The following TRPC3 variants were observed in gnomAD, a reference collection of about 807,000 sequenced individuals.
TRPC3 encodes short transient receptor potential channel 3.
A neutral mutation model predicts 90.9 loss-of-function variants in TRPC3; 54 were observed. The ratio of observed to expected loss-of-function variants is 0.59; its 90% confidence interval spans 0.48 to 0.75. The LOEUF (loss-of-function observed/expected upper bound fraction) is 0.75. Ranked by LOEUF, TRPC3 falls within the 30% of genes least tolerant of loss-of-function variation. The pLI is 0.00. For missense variants in TRPC3, 918 were observed against 1,194.5 expected (o/e 0.77, Z 3.41); for synonymous variants, 424 against 450.9 (o/e 0.94, Z 0.75).
intron 1 of TRPC3, among the ~76,000 whole-genome samples, chr4:121,938,924 A>G (rs1024231465): frequency 1.3e-5 from 2 of 151,726 alleles, no homozygotes; most frequent in Non-Finnish European, 2.9e-5. Flanking sequence ...CGTCTGTATG[A>G]CTTTCAGGGA....
rs142442820 is a variant in TRPC3, at chr4:121,877,614, ACAT to A, written c.*2119_*2121del. ...AGGGCATCTGGGCAGGGCATCAAAAACATCAACCACACTCACTACACCTTGTCA... is the reference window on the plus strand; with the variant it reads ...AGGGCATCTGGGCAGGGCATCAAAAACAACCACACTCACTACACCTTGTCA... On this transcript the variant is annotated 3_prime_UTR_variant, in exon 12 of 12. Coordinates refer to ENST00000379645, the MANE Select transcript of TRPC3 (RefSeq NM_001130698.2). 3.4e-3 allele frequency among the ~76,000 whole-genome samples: 510 copies of A among 152,220 alleles called. 2 individuals carry two copies. Among genetic ancestry groups the A allele is most frequent in the African/African-American group, 0.012 (494 of 41,522 alleles).
Position 121,879,717 on chromosome 4 carries a change from C to A in TRPC3, c.*19G>T, listed in dbSNP as rs747377282. 6.3e-7 allele frequency: 1 copy of A among 1,598,554 alleles called. No individual in the cohort carries two copies. The highest frequency in any genetic ancestry group is 8.5e-7 in the Non-Finnish European group (1 of 1,174,764). ...GCCCACATTTGTGCTATAGTCAAAGCCAAATCCAGGTTGCTGCATCATTCA... is the reference window on the plus strand; with the variant it reads ...GCCCACATTTGTGCTATAGTCAAAGACAAATCCAGGTTGCTGCATCATTCA... On this transcript the variant is annotated 3_prime_UTR_variant, in exon 12 of 12. Coordinates refer to ENST00000379645, the MANE Select transcript of TRPC3 (RefSeq NM_001130698.2).
chr4:121,947,805 C>T (rs1217317306), intron 1 of TRPC3, among the ~76,000 whole-genome samples: 1 of 151,952 alleles, frequency 6.6e-6, no homozygotes, highest in Non-Finnish European at 1.5e-5. Context: ...GATTTTTTTT[C>T]TAGAAATCTT....
intron 9 of TRPC3, among the ~76,000 whole-genome samples, 175 bp downstream of exon 9, chr4:121,902,677 A>C (rs557761993): frequency 2.0e-5 from 3 of 152,190 alleles, no homozygotes; most frequent in African/African-American, 7.2e-5. Context: ...CGACTCAGTG[A>C]CTTCTTGAAA....
At chr4:121,895,801 C>G (rs78345842) in intron 10 of TRPC3, among the ~76,000 whole-genome samples, 1 of 151,958 alleles carries the variant, frequency 6.6e-6, no homozygotes, top group East Asian at 1.9e-4. Flanking sequence ...TCAAACTAAT[C>G]GAAAAAATTA....
At chr4:121,926,132 C>T (rs1729701022) in intron 2 of TRPC3, among the ~76,000 whole-genome samples, 1 of 152,186 alleles carries the variant, frequency 6.6e-6, no homozygotes, top group Non-Finnish European at 1.5e-5. Context: ...ACACATAAAA[C>T]TATCACAAAA....
At position 121,951,953 on chromosome 4, in the gene TRPC3, G is replaced by A. The variant is rs1267245172; in HGVS notation, c.-273C>T. ...GACGAGGAAGCCCGGGGCCGAGCGG[G>A]GCTCTGGTGCTGGGAGAGGCTCTCC... On this transcript the variant is annotated 5_prime_UTR_variant, in exon 1 of 12. Coordinates refer to ENST00000379645, the MANE Select transcript of TRPC3 (RefSeq NM_001130698.2). The surrounding 1 kb of genome is among the most constrained non-coding windows in gnomAD (Gnocchi z 4.4). 6.6e-6 allele frequency among the ~76,000 whole-genome samples: 1 copy of A among 151,918 alleles called. No homozygotes were observed. Among genetic ancestry groups the A allele is most frequent in the African/African-American group, 2.4e-5 (1 of 41,328 alleles).
chr4:121,899,578 T>G, intron 10 of TRPC3, 34 bp downstream of exon 10: 1 of 1,561,170 alleles, frequency 6.4e-7, no homozygotes, highest in Non-Finnish European at 8.8e-7. Flanking sequence ...TGGAATCACA[T>G]AGAGATCAAG....
At chr4:121,883,015 G>A (rs561195556) in intron 10 of TRPC3, among the ~76,000 whole-genome samples, 82 of 151,650 alleles carry the variant, frequency 5.4e-4, no homozygotes, top group African/African-American at 1.8e-3. Flanking sequence ...TATTGCATAC[G>A]TTTCTCTAAT....
chr4:121,912,338 C>T (rs1560700758), intron 4 of TRPC3, among the ~76,000 whole-genome samples: 1 of 152,060 alleles, frequency 6.6e-6, no homozygotes, highest in Non-Finnish European at 1.5e-5. Flanking sequence ...AGACTGCATT[C>T]ACAGATGCAC....
At chr4:121,909,770 C>T (rs1729019181) in intron 6 of TRPC3, among the ~76,000 whole-genome samples, 1 of 152,114 alleles carries the variant, frequency 6.6e-6, no homozygotes, top group Admixed American at 6.6e-5. Context: ...TATCTTATCT[C>T]CTTGAACCCA....
At position 121,884,417 on chromosome 4, in the gene TRPC3, G is replaced by T. The variant is rs17387547; in HGVS notation, c.2548-1988C>A. 8.6e-3 allele frequency among the ~76,000 whole-genome samples: 1,312 copies of T among 152,068 alleles called. 12 individuals are homozygous for T. Among genetic ancestry groups the T allele is most frequent in the Non-Finnish European group, 0.014 (968 of 67,972 alleles). On this transcript the variant is annotated intron_variant, in intron 10 of 11. Transcript: ENST00000379645. ...ATGTTATCATTGTCAGGTCGGTGGT[G>T]GTTTCATAGGTGTGAATGTAATTAT...
chr4:121,878,431 C>A lies in TRPC3; in HGVS notation c.*1305G>T, dbSNP rs1003337858. Among the ~76,000 whole-genome samples, 1 of 135,554 alleles carries A rather than the reference C, an allele frequency of 7.4e-6. No homozygotes were observed. The highest frequency in any genetic ancestry group is 1.6e-5 in the Non-Finnish European group (1 of 64,268). 88.9% of individuals were successfully genotyped at this position (135,554 alleles called of 152,430 possible). A position where few individuals can be genotyped will look rare whatever the true frequency, so the allele number is the denominator to read the frequency against. On this transcript the variant is annotated 3_prime_UTR_variant, in exon 12 of 12. Transcript: ENST00000379645. ...TATGATCACAATTCGTATTCCTATA[C>A]GACTTGACAGCAACTGACTGCAGAC...
chr4:121,944,734 A>G (rs1431136616), intron 1 of TRPC3, among the ~76,000 whole-genome samples: 1 of 152,206 alleles, frequency 6.6e-6, no homozygotes, highest in East Asian at 1.9e-4. Context: ...TTAGCTTACC[A>G]ACTTTCTCAA....
At chr4:121,917,223 G>A (rs922974211) in intron 3 of TRPC3, among the ~76,000 whole-genome samples, 1 of 152,132 alleles carries the variant, frequency 6.6e-6, no homozygotes, top group African/African-American at 2.4e-5. Flanking sequence ...AAGGTTCTAA[G>A]TTTTGAAAAC....
At chr4:121,920,523 C>CA (rs958827342) in intron 3 of TRPC3, among the ~76,000 whole-genome samples, 12 of 149,540 alleles carry the variant, frequency 8.0e-5, no homozygotes, top group South Asian at 2.1e-4. Flanking sequence ...GACTCCATTT[C>CA]AAAAAAAAGA....
intron 10 of TRPC3, among the ~76,000 whole-genome samples, chr4:121,887,822 A>G (rs1317070192): frequency 1.3e-5 from 2 of 152,176 alleles, no homozygotes; most frequent in African/African-American, 4.8e-5. Context: ...TAAATAATAA[A>G]TAAAATATTG....
intron 7 of TRPC3, 81 bp from the exon 8 acceptor site, chr4:121,904,598 T>G: frequency 9.5e-7 from 1 of 1,048,022 alleles, no homozygotes; most frequent in Non-Finnish European, 1.3e-6. Context: ...CAAGTTAGGG[T>G]TTAACTACTG....
At chr4:121,883,757 G>A (rs1728018071) in intron 10 of TRPC3, among the ~76,000 whole-genome samples, 3 of 152,124 alleles carry the variant, frequency 2.0e-5, no homozygotes, top group African/African-American at 4.8e-5. Context: ...AAATTTTAGA[G>A]GTGGAGTCTC....
Sources: allele counts gnomAD v4.1 joint callset (sites outside exome capture counted in the v4.1 genomes callset), GRCh38; gene constraint gnomAD v4.1.1; non-coding constraint Gnocchi (gnomAD v3.1); transcripts MANE v1.5; gene names NCBI Gene and HGNC (gene_info 2026-07-23, HGNC 2026-07-21).